Variants in RFTN2 observed in about 807,000 individuals in gnomAD.
RFTN2 encodes the protein raftlin-2.
A neutral mutation model predicts 52.7 loss-of-function variants in RFTN2; 34 were observed. That is an observed-to-expected ratio of 0.64 (90% CI 0.49 to 0.86). The LOEUF (loss-of-function observed/expected upper bound fraction) is 0.86. Among genes scored for constraint, RFTN2 ranks in the 40% least tolerant of loss-of-function variants. The probability of loss-of-function intolerance (pLI) is 0.00; values close to 1 mark genes in which losing one functional copy is unlikely to be tolerated. For synonymous variants in RFTN2, 203 were observed against 217.7 expected (o/e 0.93, Z 0.59); for missense variants, 536 against 600.1 (o/e 0.89, Z 1.12).
intron 4 of RFTN2, among the ~76,000 whole-genome samples, chr2:197,631,934 A>G (rs1414802932): frequency 1.1e-4 from 17 of 152,182 alleles, no homozygotes; most frequent in Admixed American, 1.1e-3. Flanking sequence ...CAGATACTCA[A>G]AGAGGTCTTT....
chr2:197,626,848 G>A (rs2088373334), intron 5 of RFTN2, among the ~76,000 whole-genome samples: 1 of 151,790 alleles, frequency 6.6e-6, no homozygotes, highest in Admixed American at 6.6e-5. Context: ...TCAAACTCCT[G>A]ACCTCGTAAT....
chr2:197,642,812 C>G (rs915558106), intron 3 of RFTN2, among the ~76,000 whole-genome samples: 18 of 152,096 alleles, frequency 1.2e-4, no homozygotes, highest in African/African-American at 3.6e-4. Flanking sequence ...AGACTCCTGT[C>G]TTTACAAAAT....
chr2:197,583,599 A>G (rs1043012177), intron 8 of RFTN2, among the ~76,000 whole-genome samples: 1 of 151,542 alleles, frequency 6.6e-6, no homozygotes, highest in African/African-American at 2.4e-5. Context: ...TCAGCCTCCA[A>G]CTTAAAAAGG....
At chr2:197,629,446 G>A (rs1362878650) in intron 5 of RFTN2, among the ~76,000 whole-genome samples, 1 of 152,048 alleles carries the variant, frequency 6.6e-6, no homozygotes, top group Non-Finnish European at 1.5e-5. Flanking sequence ...GGCCTGTCAT[G>A]GGGCAGGGGG....
intron 1 of RFTN2, among the ~76,000 whole-genome samples, chr2:197,673,484 T>C (rs2089174724): frequency 6.6e-6 from 1 of 152,096 alleles, no homozygotes; most frequent in Non-Finnish European, 1.5e-5. Context: ...TGGAGCGCAA[T>C]GGGGCACCAG....
chr2:197,632,391 T>A (rs1251245263), intron 4 of RFTN2, among the ~76,000 whole-genome samples: 1 of 152,192 alleles, frequency 6.6e-6, no homozygotes, highest in Non-Finnish European at 1.5e-5. Flanking sequence ...CAGGATCTGA[T>A]GGTTTTATAA....
intron 8 of RFTN2, among the ~76,000 whole-genome samples, chr2:197,580,079 C>A (rs2087480326): frequency 6.6e-6 from 1 of 152,110 alleles, no homozygotes; most frequent in Non-Finnish European, 1.5e-5. Flanking sequence ...TGGCAACAAC[C>A]CTTAGATGCT....
At chr2:197,590,527 G>A (rs2087688329) in intron 8 of RFTN2, among the ~76,000 whole-genome samples, 1 of 152,192 alleles carries the variant, frequency 6.6e-6, no homozygotes, top group Admixed American at 6.5e-5. Context: ...GCATGAAATG[G>A]ATTTGTTGAA....
chr2:197,577,073 T>C (rs2087431114), intron 8 of RFTN2, among the ~76,000 whole-genome samples: 1 of 152,220 alleles, frequency 6.6e-6, no homozygotes, highest in Non-Finnish European at 1.5e-5. Flanking sequence ...CCCTGCTCAT[T>C]TGGAGTTGTC....
chr2:197,634,588 A>G (rs1255286980), intron 3 of RFTN2, among the ~76,000 whole-genome samples: 2 of 152,140 alleles, frequency 1.3e-5, no homozygotes, highest in Admixed American at 6.6e-5. Flanking sequence ...TGGGCCAAAC[A>G]CATAGGATTA....
intron 7 of RFTN2, among the ~76,000 whole-genome samples, chr2:197,612,065 CT>C (rs2088069966): frequency 6.6e-6 from 1 of 152,098 alleles, no homozygotes; most frequent in African/African-American, 2.4e-5. Flanking sequence ...GTGTGATGTG[CT>C]GAGAAGAATG....
At chr2:197,637,287 A>G (rs2088583793) in intron 3 of RFTN2, among the ~76,000 whole-genome samples, 1 of 152,098 alleles carries the variant, frequency 6.6e-6, no homozygotes, top group South Asian at 2.1e-4. Flanking sequence ...CTCTTTTTCT[A>G]TTGATTGGAA....
intron 1 of RFTN2, among the ~76,000 whole-genome samples, chr2:197,665,660 T>C (rs1574754670): frequency 6.6e-6 from 1 of 152,194 alleles, no homozygotes; most frequent in Non-Finnish European, 1.5e-5. Flanking sequence ...TATGTGTCTG[T>C]ATAGGTAAAG....
At chr2:197,641,777 G>A (rs921883794) in intron 3 of RFTN2, among the ~76,000 whole-genome samples, 1 of 152,152 alleles carries the variant, frequency 6.6e-6, no homozygotes, top group Non-Finnish European at 1.5e-5. Flanking sequence ...ATAATATTTG[G>A]CAATTCATCT....
intron 3 of RFTN2, among the ~76,000 whole-genome samples, chr2:197,640,874 T>C (rs2088661918): frequency 6.6e-6 from 1 of 152,204 alleles, no homozygotes; most frequent in Non-Finnish European, 1.5e-5. Flanking sequence ...CTGCTTTTAC[T>C]TCGTTTCTTT....
intron 7 of RFTN2, 97 bp downstream of exon 7, chr2:197,615,779 G>A: frequency 1.5e-6 from 1 of 665,570 alleles, no homozygotes; most frequent in Non-Finnish European, 2.6e-6. Context: ...AATGTTTTCT[G>A]TAGGCATTAA....
chr2:197,578,769 G>A (rs988806809), intron 8 of RFTN2, among the ~76,000 whole-genome samples: 2 of 152,130 alleles, frequency 1.3e-5, no homozygotes, highest in East Asian at 1.9e-4. Flanking sequence ...ACACGGATGC[G>A]CATGACATTT....
intron 7 of RFTN2, among the ~76,000 whole-genome samples, chr2:197,604,852 C>A (rs1279313942): frequency 6.6e-6 from 1 of 152,186 alleles, no homozygotes; most frequent in Non-Finnish European, 1.5e-5. Context: ...CCTCTGCCTC[C>A]TGGGCTCAAG....
chr2:197,602,704 C>G lies in RFTN2; in HGVS notation c.1155-6635G>C, dbSNP rs548644791. Among the ~76,000 whole-genome samples, 5 of 151,910 alleles carry G rather than the reference C, an allele frequency of 3.3e-5. No homozygotes were observed. In the East Asian group the frequency reaches 9.6e-4, roughly 29 times the overall value. ...CAGGTGTGCGCCACCACCATTTGAC[C>G]CAGTCATCCCATTACTGGGTATATA... On this transcript the variant is annotated intron_variant, in intron 7 of 8. Transcript: ENST00000295049.
Sources: allele counts gnomAD v4.1 joint callset (sites outside exome capture counted in the v4.1 genomes callset), GRCh38; gene constraint gnomAD v4.1.1; transcripts MANE v1.5; gene names NCBI Gene and HGNC (gene_info 2026-07-23, HGNC 2026-07-21).